The following CDC42EP3 variants were observed in gnomAD, a reference collection of about 807,000 sequenced individuals.
CDC42EP3 encodes CDC42 effector protein 3.
CDC42EP3 carries 4 observed loss-of-function variants against 15.5 expected under a neutral mutation model. The ratio of observed to expected loss-of-function variants is 0.26; its 90% CI spans 0.13 to 0.59. CDC42EP3 has a LOEUF of 0.59. Among genes scored for constraint, CDC42EP3 ranks in the 20% least tolerant of loss-of-function variants. The pLI is 0.89. For missense variants in CDC42EP3, 309 were observed against 311.2 expected (o/e 0.99, Z 0.05); for synonymous variants, 145 against 130.3 (o/e 1.11, Z -0.77).
intron 1 of CDC42EP3, chr2:37,647,483 T>C (rs1469606975): frequency 2.0e-5 from 3 of 152,234 alleles, no homozygotes; most frequent in Admixed American, 1.3e-4. Context: ...GATGTCAGGA[T>C]TTGAAGTCAT....
chr2:37,652,174 CAAAA>C (rs61407687), intron 1 of CDC42EP3, among the ~76,000 whole-genome samples: 1 of 39,126 alleles, frequency 2.6e-5, no homozygotes, highest in East Asian at 6.8e-4. Flanking sequence ...GACTCCCTCT[CAAAA>C]AAAAAAAAAA....
At chr2:37,658,581 A>G (rs1427265640) in intron 1 of CDC42EP3, among the ~76,000 whole-genome samples, 1 of 152,122 alleles carries the variant, frequency 6.6e-6, no homozygotes, top group African/African-American at 2.4e-5. Context: ...GGGATTTGCC[A>G]TCTTTCTTCC....
intron 1 of CDC42EP3, among the ~76,000 whole-genome samples, chr2:37,670,579 C>T (rs569471125): frequency 9.9e-5 from 15 of 152,070 alleles, no homozygotes; most frequent in Non-Finnish European, 1.9e-4. Context: ...GCTGCGCTCC[C>T]GGCTTTGATG....
At chr2:37,662,528 T>C (rs574613825) in intron 1 of CDC42EP3, among the ~76,000 whole-genome samples, 31 of 152,282 alleles carry the variant, frequency 2.0e-4, no homozygotes, top group South Asian at 4.2e-4. Context: ...CTGGGTTCAA[T>C]AGTCTAATTC....
rs1382790603 is a variant in CDC42EP3 at position 37,645,085 on chromosome 2, T to C, written c.*738A>G. ...TTTCCAAACACGCACATACACAGCT[T>C]ACAATGGAATCCCAATGGAAATAAG... is the stretch of plus-strand genomic sequence containing the variant. On this transcript the variant is annotated 3_prime_UTR_variant, in exon 2 of 2. Coordinates refer to ENST00000295324, the MANE Select transcript of CDC42EP3 (RefSeq NM_006449.5). 6.6e-6 allele frequency: 1 copy of C among 152,352 alleles called. No homozygotes were observed. The highest frequency in any genetic ancestry group is 2.4e-5 in the African/African-American group (1 of 41,436). 9.4% of individuals were successfully genotyped at this position (152,352 alleles called of 1,614,324 possible).
At chr2:37,664,345 C>G (rs957213373) in intron 1 of CDC42EP3, among the ~76,000 whole-genome samples, 1 of 152,196 alleles carries the variant, frequency 6.6e-6, no homozygotes, top group East Asian at 1.9e-4. Context: ...CCAGAAGGCT[C>G]TCAGGCCTTT....
intron 1 of CDC42EP3, among the ~76,000 whole-genome samples, chr2:37,655,559 A>G (rs1477639570): frequency 6.6e-6 from 1 of 151,450 alleles, no homozygotes; most frequent in Non-Finnish European, 1.5e-5. Context: ...TCTGGCAGTT[A>G]CAACAAGGCA....
intron 1 of CDC42EP3, among the ~76,000 whole-genome samples, chr2:37,663,119 T>G (rs1291148125): frequency 6.6e-6 from 1 of 152,200 alleles, no homozygotes; most frequent in Non-Finnish European, 1.5e-5. Flanking sequence ...AAGCCAAGAC[T>G]GTGCCACTGC....
Position 37,662,189 on chromosome 2 carries a change from T to C in CDC42EP3, c.-236+9237A>G, listed in dbSNP as rs147599398. Among the ~76,000 whole-genome samples, 234 of 152,288 alleles carry C rather than the reference T, an allele frequency of 1.5e-3. 2 individuals carry two copies. Among genetic ancestry groups the C allele is most frequent in the African/African-American group, 5.5e-3 (229 of 41,552 alleles). ...CATCACCCTTTCCCATCCTTCCTGG[T>C]ATTAAATTAAGGGTCCTGAGCCATG... is the stretch of plus-strand genomic sequence containing the variant. On this transcript the variant is annotated intron_variant, in intron 1 of 1. Coordinates refer to ENST00000295324, the MANE Select transcript of CDC42EP3 (RefSeq NM_006449.5).
At chr2:37,668,578 C>G (rs1243443006) in intron 1 of CDC42EP3, among the ~76,000 whole-genome samples, 1 of 152,194 alleles carries the variant, frequency 6.6e-6, no homozygotes. Context: ...ATCCCCTTAA[C>G]CCAAAGAGCT....
chr2:37,652,912 CCTAAAT>C (rs1428256759), intron 1 of CDC42EP3, among the ~76,000 whole-genome samples: 1 of 152,052 alleles, frequency 6.6e-6, no homozygotes, highest in Non-Finnish European at 1.5e-5. Flanking sequence ...CACTATCTTA[CCTAAAT>C]CTTAAAAGAC....
intron 1 of CDC42EP3, among the ~76,000 whole-genome samples, chr2:37,654,322 T>C (rs1665781340): frequency 6.6e-6 from 1 of 151,948 alleles, no homozygotes. Flanking sequence ...AGGAGCTCGA[T>C]TAGGACATGT....
chr2:37,667,543 A>C (rs1485724635), intron 1 of CDC42EP3, among the ~76,000 whole-genome samples: 4 of 152,014 alleles, frequency 2.6e-5, no homozygotes, highest in Non-Finnish European at 5.9e-5. Context: ...CCACATTTTC[A>C]CCTAGTAAAT....
chr2:37,668,299 G>T (rs972141331), intron 1 of CDC42EP3, among the ~76,000 whole-genome samples: 2 of 152,140 alleles, frequency 1.3e-5, no homozygotes, highest in African/African-American at 4.8e-5. Context: ...GACAGAACCA[G>T]TATTAAGTAC....
intron 1 of CDC42EP3, among the ~76,000 whole-genome samples, chr2:37,654,117 C>T (rs1273016752): frequency 3.9e-5 from 6 of 152,170 alleles, no homozygotes; most frequent in Non-Finnish European, 7.4e-5. Flanking sequence ...AGGATGATGA[C>T]TCGGCCAAGT....
chr2:37,646,271 G>T lies in CDC42EP3; in HGVS notation c.317C>A (p.Ala106Asp). The T allele has an allele frequency of 6.2e-7, 1 of 1,614,190 alleles. No homozygotes were observed. The highest frequency in any genetic ancestry group is 8.5e-7 in the Non-Finnish European group (1 of 1,180,032). ...TETPSPVLKN[A>D]ISLPTIGGSQ... ...TCCTCCAATGGTCGGGAGGGAGATG[G>T]CATTTTTGAGCACCGGGGAGGGCGT... Residue 106 changes from alanine (A) to aspartate (D), a missense_variant, in exon 2 of 2, where the codon GCC becomes GAC. Transcript: ENST00000295324.
chr2:37,650,111 G>A (rs1052003502), intron 1 of CDC42EP3, among the ~76,000 whole-genome samples: 32 of 152,172 alleles, frequency 2.1e-4, no homozygotes, highest in African/African-American at 7.0e-4. Context: ...CGTTTGTGCT[G>A]CTGGGAAAGT....
At chr2:37,669,713 C>T (rs1210136255) in intron 1 of CDC42EP3, among the ~76,000 whole-genome samples, 3 of 152,194 alleles carry the variant, frequency 2.0e-5, no homozygotes, top group Admixed American at 1.3e-4. Flanking sequence ...TCCAGAAATG[C>T]TTCCAAATTT....
chr2:37,671,032 T>C (rs1239215535), intron 1 of CDC42EP3, among the ~76,000 whole-genome samples: 2 of 152,240 alleles, frequency 1.3e-5, no homozygotes, highest in Non-Finnish European at 2.9e-5. Flanking sequence ...AGCTGTGCGA[T>C]GCACCCATGT....
Sources: allele counts gnomAD v4.1 joint callset (sites outside exome capture counted in the v4.1 genomes callset), GRCh38; gene constraint gnomAD v4.1.1; transcripts MANE v1.5; gene names NCBI Gene and HGNC (gene_info 2026-07-23, HGNC 2026-07-21).